The following CYP2C19 variants were observed in gnomAD, a reference collection of about 807,000 sequenced individuals.
CYP2C19 encodes the protein cytochrome P450 2C19.
A neutral mutation model predicts 40.9 loss-of-function variants in CYP2C19; 59 were observed. The ratio of observed to expected loss-of-function variants is 1.44; its 90% CI spans 1.17 to 1.79. The LOEUF (loss-of-function observed/expected upper bound fraction) is 1.79. Among genes scored for constraint, CYP2C19 ranks in the 40% most tolerant of loss-of-function variants. The pLI is 0.00. For missense variants in CYP2C19, 754 were observed against 596.9 expected, an observed-to-expected ratio of 1.26 and a Z score of -2.74; for synonymous variants, 253 against 208.7, an observed-to-expected ratio of 1.21 and a Z score of -1.83.
In CYP2C19 at chr10:94,842,952, C is replaced by T. The variant is rs370051475; in HGVS notation, c.1077C>T (p.Ile359=). 1.6e-4 allele frequency: 252 copies of T among 1,614,190 alleles called. No homozygotes were observed. Among genetic ancestry groups the T allele is most frequent in the African/African-American group, 4.8e-4 (36 of 75,044 alleles). The change falls in exon 7 of 9, where the codon ATC becomes ATT. Residue 359 remains isoleucine (I), a synonymous_variant. Transcript: ENST00000371321. ...TGGTGCACGAGGTCCAGAGATACAT[C>T]GACCTCATCCCCACCAGCCTGCCCC... ...DAVVHEVQRY[I]DLIPTSLPHA... is the part of the protein sequence containing the mutation.
rs1444622110 is a variant in CYP2C19, at chr10:94,775,210, C to T, written c.321C>T (p.Asn107=). 1.9e-6 allele frequency: 3 copies of T among 1,613,910 alleles called. No individual in the cohort carries two copies. The highest frequency in any genetic ancestry group is 2.5e-6 in the Non-Finnish European group (3 of 1,180,020). Residue 107 remains asparagine, a synonymous_variant, in exon 2 of 9, where the codon AAC becomes AAT. Coordinates refer to ENST00000371321, the MANE Select transcript of CYP2C19 (RefSeq NM_000769.4). ...RGHFPLAERA[N]RGFGIVFSNG... ...ATTTCCCACTGGCTGAAAGAGCTAA[C>T]AGAGGATTTGGTAGGTGTGCAAGTG...
At chr10:94,762,938 T>C (rs1442053005) in intron 1 of CYP2C19, 65 bp downstream of exon 1, 10 of 1,474,206 alleles carry the variant, frequency 6.8e-6, no homozygotes, top group Non-Finnish European at 6.6e-6. Context: ...TTAAATAAAG[T>C]ATATCCCTAG....
intron 6 of CYP2C19, among the ~76,000 whole-genome samples, chr10:94,822,252 T>C (rs995562324): frequency 1.3e-5 from 2 of 152,146 alleles, no homozygotes; most frequent in African/African-American, 4.8e-5. Context: ...CAATTCCACA[T>C]GACTGGAAAG....
intron 6 of CYP2C19, among the ~76,000 whole-genome samples, chr10:94,840,878 G>C (rs530002208): frequency 2.0e-5 from 3 of 152,180 alleles, no homozygotes; most frequent in Non-Finnish European, 2.9e-5. Flanking sequence ...TGGTGGCCAC[G>C]CTAATCATTT....
chr10:94,820,532 A>G lies in CYP2C19; in HGVS notation c.856A>G (p.Asn286Asp). 1 of 1,614,188 alleles carries G rather than the reference A, an allele frequency of 6.2e-7. No individual in the cohort carries two copies. The highest frequency in any genetic ancestry group is 8.5e-7 in the Non-Finnish European group (1 of 1,180,030). Residue 286 changes from asparagine (N) to aspartate (D), a missense_variant, in exon 6 of 9, where the codon AAC becomes GAC. Asn to Asp is a conservative substitution (Grantham distance 23, BLOSUM62 1). Coordinates refer to ENST00000371321, the MANE Select transcript of CYP2C19 (RefSeq NM_000769.4). The part of the protein sequence containing the change: ...QNQQSEFTIE[N>D]LVITAADLLG... ...CCAACAGTCTGAATTCACTATTGAA[A>G]ACTTGGTAATCACTGCAGCTGACTT...
intron 5 of CYP2C19, among the ~76,000 whole-genome samples, chr10:94,792,041 G>A (rs1191744039): frequency 1.3e-5 from 2 of 152,040 alleles, no homozygotes; most frequent in Non-Finnish European, 2.9e-5. Context: ...ATGAATCTGG[G>A]TGCTCCTGTA....
intron 7 of CYP2C19, among the ~76,000 whole-genome samples, chr10:94,843,806 G>T (rs183960632): frequency 2.0e-5 from 3 of 152,258 alleles, no homozygotes; most frequent in Admixed American, 1.3e-4. Context: ...GTGTTGAATA[G>T]AATTGCTGAT....
At position 94,849,938 on chromosome 10, in the gene CYP2C19, C is replaced by G. The variant is rs765872433; in HGVS notation, c.1171C>G (p.Leu391Val). ...IPKGTTILTS[L>V]TSVLHDNKEF... is the part of the protein sequence containing the mutation. ...CTAGGGCACAACCATATTAACTTCCCTCACTTCTGTGCTACATGACAACAA... is the reference window on the plus strand; with the variant it reads ...CTAGGGCACAACCATATTAACTTCCGTCACTTCTGTGCTACATGACAACAA... The change falls in exon 8 of 9, where the codon CTC (leucine) becomes GTC (valine). Residue 391 changes from leucine (L) to valine (V), a missense_variant. By Grantham distance (32) the Leu-to-Val change is conservative. Transcript: ENST00000371321. 42 of 1,613,728 alleles carry G rather than the reference C, an allele frequency of 2.6e-5. No individual in the cohort carries two copies. In the South Asian group the frequency reaches 4.5e-4, roughly 17 times the overall value.
intron 5 of CYP2C19, among the ~76,000 whole-genome samples, chr10:94,810,892 G>T (rs1039713250): frequency 1.3e-5 from 2 of 152,012 alleles, no homozygotes; most frequent in Non-Finnish European, 2.9e-5. Context: ...CTTCAATTCT[G>T]CTCTGATATT....
intron 5 of CYP2C19, among the ~76,000 whole-genome samples, chr10:94,797,367 T>G (rs1489974678): frequency 2.0e-5 from 3 of 152,082 alleles, no homozygotes; most frequent in African/African-American, 7.2e-5. Context: ...GGATAAGCTT[T>G]TTGATGTGCT....
intron 5 of CYP2C19, among the ~76,000 whole-genome samples, chr10:94,796,512 C>A: frequency 6.6e-6 from 1 of 152,148 alleles, no homozygotes; most frequent in East Asian, 1.9e-4. Context: ...TTTAAAGTAG[C>A]TTTTTCCAAT....
chr10:94,771,151 C>A (rs185348086), intron 1 of CYP2C19, among the ~76,000 whole-genome samples: 10 of 151,936 alleles, frequency 6.6e-5, no homozygotes, highest in Non-Finnish European at 1.2e-4. Flanking sequence ...GAGGGAGAAG[C>A]GGCCATGTAC....
Position 94,775,184 on chromosome 10 carries a change from C to A in CYP2C19, c.295C>A (p.His99Asn). Residue 99 changes from histidine (H) to asparagine (N), a missense_variant, in exon 2 of 9, where the codon CAT becomes AAT. Coordinates refer to ENST00000371321, the MANE Select transcript of CYP2C19 (RefSeq NM_000769.4). The stretch of plus-strand genomic sequence containing the variant: ...TGGAGAGGAGTTTTCTGGAAGAGGC[C>A]ATTTCCCACTGGCTGAAAGAGCTAA... ...DLGEEFSGRG[H>N]FPLAERANRG... 1 of 1,614,022 alleles carries A rather than the reference C, an allele frequency of 6.2e-7. No homozygotes were observed. The highest frequency in any genetic ancestry group is 8.5e-7 in the Non-Finnish European group (1 of 1,180,010).
At chr10:94,812,201 C>T (rs1446063999) in intron 5 of CYP2C19, among the ~76,000 whole-genome samples, 1 of 152,154 alleles carries the variant, frequency 6.6e-6, no homozygotes, top group Non-Finnish European at 1.5e-5. Flanking sequence ...TGAATATTGG[C>T]CCCCACTCTC....
At chr10:94,818,505 A>T (rs1849051296) in intron 5 of CYP2C19, among the ~76,000 whole-genome samples, 1 of 148,134 alleles carries the variant, frequency 6.8e-6, no homozygotes, top group Non-Finnish European at 1.5e-5. Flanking sequence ...CACAATATTG[A>T]TTCTTCCTAC....
At chr10:94,800,517 A>T (rs1360772817) in intron 5 of CYP2C19, among the ~76,000 whole-genome samples, 1 of 152,174 alleles carries the variant, frequency 6.6e-6, no homozygotes, top group African/African-American at 2.4e-5. Context: ...CTGTTCTCAG[A>T]GCTCAAACGC....
chr10:94,835,895 C>A (rs1849395737), intron 6 of CYP2C19, among the ~76,000 whole-genome samples: 1 of 152,188 alleles, frequency 6.6e-6, no homozygotes, highest in African/African-American at 2.4e-5. Context: ...TTATCACTGA[C>A]CACTGTGTAC....
At chr10:94,778,030 T>C (rs1848433641) in intron 3 of CYP2C19, among the ~76,000 whole-genome samples, 1 of 152,090 alleles carries the variant, frequency 6.6e-6, no homozygotes. Flanking sequence ...TGAGTACTCA[T>C]ATACAGGTAT....
chr10:94,823,041 T>C (rs998967631), intron 6 of CYP2C19, among the ~76,000 whole-genome samples: 1 of 152,166 alleles, frequency 6.6e-6, no homozygotes, highest in Non-Finnish European at 1.5e-5. Flanking sequence ...AACAAATTTC[T>C]AAAACACAGA....
Sources: allele counts gnomAD v4.1 joint callset (sites outside exome capture counted in the v4.1 genomes callset), GRCh38; gene constraint gnomAD v4.1.1; transcripts MANE v1.5; gene names NCBI Gene and HGNC (gene_info 2026-07-23, HGNC 2026-07-21).